The following AFTPH variants were observed in gnomAD, a reference collection of about 807,000 sequenced individuals.
The protein encoded by AFTPH is aftiphilin.
In AFTPH, 7 loss-of-function variants were observed where a neutral mutation model predicts 72.5. That is an observed-to-expected ratio of 0.10 (90% CI 0.05 to 0.18). AFTPH has a LOEUF of 0.18. Ranked by LOEUF, AFTPH falls within the 10% of genes least tolerant of loss-of-function variation. AFTPH has a pLI of 1.00. For synonymous variants in AFTPH, 337 were observed against 370.1 expected (o/e 0.91, Z 1.03); for missense variants, 979 against 1,060.5 (o/e 0.92, Z 1.07).
At chr2:64,588,025 G>A (rs1673609579) in intron 8 of AFTPH, among the ~76,000 whole-genome samples, 1 of 152,052 alleles carries the variant, frequency 6.6e-6, no homozygotes, top group African/African-American at 2.4e-5. Context: ...TATTCACAAG[G>A]TTGTGCAACC....
chr2:64,588,182 A>G (rs547619566), intron 8 of AFTPH, among the ~76,000 whole-genome samples: 104 of 151,830 alleles, frequency 6.8e-4, no homozygotes, highest in Non-Finnish European at 1.1e-3. Context: ...TTTTCTGGTT[A>G]TTTCATATAG....
exon 6 of AFTPH, chr2:64,572,947 G>T (rs1672535210): frequency 1.2e-6 from 2 of 1,613,944 alleles, no homozygotes; most frequent in African/African-American, 1.3e-5. Context: ...CTTTTTCAGG[G>T]TATGTTAGAG....
At chr2:64,556,379 G>A (rs1379161746) in intron 2 of AFTPH, among the ~76,000 whole-genome samples, 4 of 152,198 alleles carry the variant, frequency 2.6e-5, no homozygotes, top group Non-Finnish European at 4.4e-5. Context: ...GATGCCACAA[G>A]TGTCCTGAAC....
At chr2:64,564,984 G>A (rs927772340) in intron 2 of AFTPH, among the ~76,000 whole-genome samples, 6 of 151,804 alleles carry the variant, frequency 4.0e-5, no homozygotes, top group Admixed American at 1.3e-4. Flanking sequence ...GACTACAGGC[G>A]TGCGCCACCA....
At chr2:64,551,163 TC>T (rs1671021465) in intron 1 of AFTPH, among the ~76,000 whole-genome samples, 1 of 152,028 alleles carries the variant, frequency 6.6e-6, no homozygotes, top group Admixed American at 6.6e-5. Flanking sequence ...TTATCTGGAA[TC>T]CCCACATTTC....
chr2:64,537,333 T>A (rs969173489), intron 1 of AFTPH, among the ~76,000 whole-genome samples: 3 of 152,184 alleles, frequency 2.0e-5, no homozygotes, highest in Non-Finnish European at 2.9e-5. Context: ...CTATGCTTAT[T>A]ACCTGGGTGA....
chr2:64,590,549 A>G (rs572488505), intron 8 of AFTPH, among the ~76,000 whole-genome samples: 1 of 152,306 alleles, frequency 6.6e-6, no homozygotes, highest in African/African-American at 2.4e-5. Flanking sequence ...GGAATGATGC[A>G]GATATCCAGT....
At chr2:64,589,186 T>A (rs990977225) in intron 8 of AFTPH, among the ~76,000 whole-genome samples, 4 of 152,226 alleles carry the variant, frequency 2.6e-5, no homozygotes, top group Admixed American at 6.5e-5. Context: ...AACTCTTACA[T>A]TTAGGTCTTT....
rs201431817 is a variant in AFTPH, at chr2:64,553,381, A to G, written c.1907A>G (p.His636Arg). ...TCCAAAGGAGCAGTTGCTAGTGGCC[A>G]TTTACAGGAATCAGCCACTTCAGTT... The change falls in exon 2 of 9, where the codon CAT becomes CGT. Residue 636 changes from histidine (H) to arginine (R), a missense_variant. By Grantham distance (29) the His-to-Arg change is conservative. This residue lies in a region of AFTPH where 438 missense variants were observed against 530.0 expected (regional missense o/e 0.83). Coordinates refer to ENST00000238856, the Ensembl canonical transcript of AFTPH. The G allele has an allele frequency of 1.9e-5, 30 of 1,597,302 alleles. No homozygotes were observed. The East Asian group carries it at 6.3e-4, about 33-fold the overall frequency.
At chr2:64,566,181 A>C (rs532349168) in intron 2 of AFTPH, among the ~76,000 whole-genome samples, 12 of 152,210 alleles carry the variant, frequency 7.9e-5, no homozygotes, top group Non-Finnish European at 1.6e-4. Flanking sequence ...AAGTGAGAGC[A>C]AGGGCCCCTT....
chr2:64,544,302 C>T (rs574126307), intron 1 of AFTPH, among the ~76,000 whole-genome samples: 1 of 152,322 alleles, frequency 6.6e-6, no homozygotes, highest in East Asian at 1.9e-4. Context: ...TGAGACCCTC[C>T]TGTCAACTGT....
intron 6 of AFTPH, among the ~76,000 whole-genome samples, chr2:64,573,429 G>C (rs1326336461): frequency 3.3e-5 from 4 of 120,350 alleles, no homozygotes; most frequent in Non-Finnish European, 5.5e-5. Flanking sequence ...TAAGTGCTGG[G>C]TTTAAAAAAA....
At chr2:64,536,505 G>A (rs753600023) in intron 1 of AFTPH, among the ~76,000 whole-genome samples, 130 of 150,458 alleles carry the variant, frequency 8.6e-4, no homozygotes, top group Non-Finnish European at 4.4e-4. Context: ...GGAGGTGGAG[G>A]TTGTAGTGAT....
At chr2:64,528,608 T>C (rs1374083801) in intron 1 of AFTPH, among the ~76,000 whole-genome samples, 2 of 152,088 alleles carry the variant, frequency 1.3e-5, no homozygotes, top group African/African-American at 4.8e-5. Flanking sequence ...CTGTTTTATA[T>C]AGAGTGGAGT....
rs540073663 is a variant in AFTPH, at chr2:64,557,977, ACT to A, written c.1935+4571_1935+4572del. ...GATCTGGTGAATATTACAGCTGGTC[ACT>A]CTTTATACAGCTTGAAATTGGGGAT... is the stretch of plus-strand genomic sequence containing the variant. On this transcript the variant is annotated intron_variant, in intron 2 of 8. Transcript: ENST00000238856. 4.7e-3 allele frequency among the ~76,000 whole-genome samples: 710 copies of A among 152,278 alleles called. 5 individuals carry two copies. Among genetic ancestry groups the A allele is most frequent in the African/African-American group, 0.017 (686 of 41,560 alleles).
intron 2 of AFTPH, among the ~76,000 whole-genome samples, chr2:64,561,211 G>A (rs994810812): frequency 4.6e-5 from 7 of 152,180 alleles, no homozygotes; most frequent in African/African-American, 1.7e-4. Context: ...ATGTTTAATA[G>A]CCAGATGTGC....
intron 7 of AFTPH, 72 bp downstream of exon 8, chr2:64,581,345 T>A: frequency 7.9e-7 from 1 of 1,271,822 alleles, no homozygotes; most frequent in Non-Finnish European, 1.1e-6. Context: ...GACTTTCCTA[T>A]AAACAAGGAA....
chr2:64,572,871 T>A (rs1672529983), intron 5 of AFTPH, 75 bp from the exon 6 acceptor site: 2 of 1,562,578 alleles, frequency 1.3e-6, no homozygotes, highest in Non-Finnish European at 1.7e-6. Flanking sequence ...TTTACCTTCT[T>A]CTTTCTGATA....
At chr2:64,527,566 G>A (rs1183570846) in intron 1 of AFTPH, among the ~76,000 whole-genome samples, 1 of 137,558 alleles carries the variant, frequency 7.3e-6, no homozygotes, top group African/African-American at 2.9e-5. Context: ...GGCAACAAGA[G>A]CAAAACATCA....
Sources: gnomAD v4.1 joint callset for allele counts (sites outside exome capture counted in the v4.1 genomes callset) on GRCh38, gnomAD v4.1.1 for gene constraint, gnomAD v4.1.1 regional missense constraint, MANE v1.5 for transcripts, NCBI Gene and HGNC (gene_info 2026-07-23, HGNC 2026-07-21) for gene names.